Variants in IRGQ observed in about 807,000 individuals in gnomAD.
The protein encoded by IRGQ is immunity-related GTPase family Q protein.
In IRGQ, 5 loss-of-function variants were observed where a neutral mutation model predicts 10.5. The ratio of observed to expected loss-of-function variants is 0.48; its 90% CI spans 0.25 to 1.00. IRGQ has a LOEUF of 1.00. IRGQ is among the 50% of genes least tolerant of loss of function. IRGQ has a pLI of 0.16. For synonymous variants in IRGQ, 418 were observed against 426.0 expected, an observed-to-expected ratio of 0.98 and a Z score of 0.23; for missense variants, 792 against 877.7, an observed-to-expected ratio of 0.90 and a Z score of 1.23.
In IRGQ at chr19:43,592,238, C is replaced by T. The variant is rs567896488; in HGVS notation, c.1660G>A (p.Ala554Thr). 1.0e-4 allele frequency: 164 copies of T among 1,580,348 alleles called. 2 individuals are homozygous for T. In the South Asian group the frequency reaches 1.7e-3, roughly 16 times the overall value. Residue 554 changes from alanine (A) to threonine (T), a missense_variant, in exon 3 of 3, where the codon GCC becomes ACC. Coordinates refer to ENST00000422989, the MANE Select transcript of IRGQ (RefSeq NM_001007561.3). The part of the protein sequence containing the change: ...RAHFPGPVTR[A>T]EVEARLGAWA... ...GCGCCCAGTCTTGCTTCCACCTCGG[C>T]GCGCGTCACCGGGCCTGGGAAATGA...
intron 1 of IRGQ, chr19:43,595,603 C>T: frequency 2.8e-6 from 1 of 354,836 alleles, no homozygotes; most frequent in Non-Finnish European, 5.1e-6. Context: ...GTGGCTCATG[C>T]CTGTAATCCC....
Position 43,592,389 on chromosome 19 carries a change from T to TGCCCA in IRGQ, c.1504_1508dup (p.Cys504GlyfsTer50), listed in dbSNP as rs1215095411. ...GACCCCGCAGAAGTGCCACGTCGCATGCCCAGCCCAGCCCTGGGAGTGGTG... is the reference window on the plus strand; with the variant it reads ...GACCCCGCAGAAGTGCCACGTCGCATGCCCAGCCCAGCCCAGCCCTGGGAGTGGTG... On this transcript the variant is annotated frameshift_variant, in exon 3 of 3. Transcript: ENST00000422989. LOFTEE classifies it high-confidence loss of function. 5 of 1,577,202 alleles carry TGCCCA rather than the reference T, an allele frequency of 3.2e-6. No homozygotes were observed. Among genetic ancestry groups the TGCCCA allele is most frequent in the East Asian group, 2.3e-5 (1 of 42,984 alleles).
intron 1 of IRGQ, chr19:43,595,602 G>A: frequency 2.8e-6 from 1 of 358,430 alleles, no homozygotes; most frequent in Non-Finnish European, 5.0e-6. Flanking sequence ...GGTGGCTCAT[G>A]CCTGTAATCC....
In IRGQ at chr19:43,596,047, C is replaced by T. The variant is rs1568529605; in HGVS notation, c.-68G>A. 6.6e-6 allele frequency: 1 copy of T among 152,220 alleles called. No homozygotes were observed. Among genetic ancestry groups the T allele is most frequent in the Non-Finnish European group, 1.5e-5 (1 of 68,054 alleles). The allele number at this position is 152,220 out of a possible 1,614,324, so 9.4% of individuals were successfully genotyped here. On this transcript the variant is annotated 5_prime_UTR_variant, in exon 1 of 3. Coordinates refer to ENST00000422989, the MANE Select transcript of IRGQ (RefSeq NM_001007561.3). ...GCAGTAGGTCAGCAGCTGAGAAGCC[C>T]GGCCCCTGGGCCGCGGCGGACGGAG...
intron 1 of IRGQ, chr19:43,595,589 C>G (rs186037515): frequency 1.4e-4 from 53 of 369,002 alleles, no homozygotes; most frequent in African/African-American, 1.1e-3. Flanking sequence ...TGAAATCAGG[C>G]GCGGTGGCTC....
Position 43,592,006 on chromosome 19 carries a change from C to T in IRGQ, c.*20G>A. The T allele has an allele frequency of 6.4e-7, 1 of 1,562,118 alleles. No individual in the cohort carries two copies. Among genetic ancestry groups the T allele is most frequent in the Non-Finnish European group, 8.7e-7 (1 of 1,150,956 alleles). On this transcript the variant is annotated 3_prime_UTR_variant, in exon 3 of 3. Transcript: ENST00000422989. ...GGCATCCCCTGTCAGAGTCTGGACT[C>T]CCAAGCCCCCTCCCACTCCTCACTG...
chr19:43,592,368 C>T lies in IRGQ; in HGVS notation c.1530G>A (p.Arg510=), dbSNP rs886595718. The change falls in exon 3 of 3, where the codon CGG becomes CGA. Residue 510 remains arginine (R), a synonymous_variant. Coordinates refer to ENST00000422989, the MANE Select transcript of IRGQ (RefSeq NM_001007561.3). ...LGWACDVALL[R]GQLAEWRRGL... ...CCCGTCGCCACTCCGCCAGCTGACC[C>T]CGCAGAAGTGCCACGTCGCATGCCC... 2 of 1,577,634 alleles carry T rather than the reference C, an allele frequency of 1.3e-6. No individual in the cohort carries two copies. The highest frequency in any genetic ancestry group is 1.7e-6 in the Non-Finnish European group (2 of 1,169,992).
chr19:43,595,197 TG>T lies in IRGQ; in HGVS notation c.141del (p.Ser48AlafsTer2), dbSNP rs747383724. ...APEGRPDSGVPSLRAAGPGLF... is the reference protein window; with the variant it reads ...APEGRPDSGVXSLRAAGPGLF... ...AGGCCTGGGCCCGCAGCTCTTAGGC[TG>T]GGAACCCCGGAGTCCGGCCGTCCCT... On this transcript the variant is annotated frameshift_variant, in exon 2 of 3. Coordinates refer to ENST00000422989, the MANE Select transcript of IRGQ (RefSeq NM_001007561.3). LOFTEE classifies it high-confidence loss of function. 1 of 1,612,220 alleles carries T rather than the reference TG, an allele frequency of 6.2e-7. No individual in the cohort carries two copies. The highest frequency in any genetic ancestry group is 8.5e-7 in the Non-Finnish European group (1 of 1,179,606).
Position 43,588,847 on chromosome 19 carries a change from TG to T in IRGQ, c.*3178del, listed in dbSNP as rs1364685457. Reference sequence around the variant, plus strand: ...TTGCAGGGCTTAGACACTAATATGATGGGGTAAAGATATGGATGAATATTCT... The same window carrying T: ...TTGCAGGGCTTAGACACTAATATGATGGGTAAAGATATGGATGAATATTCT... On this transcript the variant is annotated 3_prime_UTR_variant, in exon 3 of 3. Transcript: ENST00000422989. 1.3e-5 allele frequency: 2 copies of T among 152,258 alleles called. No homozygotes were observed. Among genetic ancestry groups the T allele is most frequent in the Admixed American group, 1.3e-4 (2 of 15,284 alleles). 9.4% of individuals were successfully genotyped at this position (152,258 alleles called of 1,614,324 possible). A position where few individuals can be genotyped will look rare whatever the true frequency, so the allele number is the denominator to read the frequency against.
At position 43,594,810 on chromosome 19, in the gene IRGQ, T is replaced by A. The variant is rs1256643006; in HGVS notation, c.529A>T (p.Arg177Trp). 4 of 1,599,748 alleles carry A rather than the reference T, an allele frequency of 2.5e-6. No homozygotes were observed. Among genetic ancestry groups the A allele is most frequent in the Non-Finnish European group, 3.4e-6 (4 of 1,172,356 alleles). The stretch of plus-strand genomic sequence containing the variant: ...CCCAGCCAGAAAGCCGGCACTCACC[T>A]CCGCAGCGCTTCTGCCTGGCTCTGC... ...ALQSQAEALR[R>W]LLPPAQDGFE... is the part of the protein sequence containing the mutation. The change falls in exon 2 of 3, where the codon AGG (arginine) becomes TGG (tryptophan). Residue 177 changes from arginine (R) to tryptophan (W), a missense_variant and splice_region_variant. Transcript: ENST00000422989.
Position 43,595,158 on chromosome 19 carries a change from G to T in IRGQ, c.181C>A (p.Leu61Met). 1 of 1,606,974 alleles carries T rather than the reference G, an allele frequency of 6.2e-7. No individual in the cohort carries two copies. The change falls in exon 2 of 3, where the codon CTG (leucine) becomes ATG (methionine). Residue 61 changes from leucine (L) to methionine (M), a missense_variant. Coordinates refer to ENST00000422989, the MANE Select transcript of IRGQ (RefSeq NM_001007561.3). ...AAGPGLFLGELSCPPAAPGPW... is the reference protein window; with the variant it reads ...AAGPGLFLGEMSCPPAAPGPW... ...CCCGGCGCTGCGGGTGGGCAGCTCA[G>T]CTCGCCCAGAAAAAGGCCTGGGCCC...
chr19:43,595,497 C>T, intron 1 of IRGQ, 157 bp from the exon 2 acceptor site: 1 of 514,766 alleles, frequency 1.9e-6, no homozygotes, highest in South Asian at 5.3e-5. Context: ...GAGCCCAGAC[C>T]CTATTCCCCC....
Position 43,592,059 on chromosome 19 carries a change from C to T in IRGQ, c.1839G>A (p.Glu613=). Residue 613 remains glutamate, a synonymous_variant, in exon 3 of 3, where the codon GAG becomes GAA. Coordinates refer to ENST00000422989, the MANE Select transcript of IRGQ (RefSeq NM_001007561.3). The part of the protein sequence containing the change: ...QALDEMRADA[E]AVLAPPEPAQ Reference sequence around the variant, plus strand: ...CAGGCTCAGGGGGTGCCAGCACAGCCTCAGCATCAGCCCGCATCTCATCGA... The same window carrying T: ...CAGGCTCAGGGGGTGCCAGCACAGCTTCAGCATCAGCCCGCATCTCATCGA... 6.2e-7 allele frequency: 1 copy of T among 1,610,498 alleles called. No homozygotes were observed. The highest frequency in any genetic ancestry group is 8.5e-7 in the Non-Finnish European group (1 of 1,178,302).
chr19:43,594,379 G>T (rs965949799), intron 2 of IRGQ, among the ~76,000 whole-genome samples: 3 of 152,210 alleles, frequency 2.0e-5, no homozygotes, highest in Non-Finnish European at 1.5e-5. Context: ...AAGAGTTCAA[G>T]ACCAGCCTGG....
chr19:43,595,341 C>A lies in IRGQ; in HGVS notation c.-2-1G>T. The A allele has an allele frequency of 6.5e-7, 1 of 1,540,864 alleles. No individual in the cohort carries two copies. The highest frequency in any genetic ancestry group is 2.0e-5 in the Admixed American group (1 of 50,362). On this transcript the variant is annotated splice_acceptor_variant, in intron 1 of 2. Coordinates refer to ENST00000422989, the MANE Select transcript of IRGQ (RefSeq NM_001007561.3). LOFTEE classifies it low-confidence loss of function (5UTR_SPLICE). ...ACGTCACCCTGCGGCGGAGGCATGG[C>A]TGGAAAGCAACGGGTAGAGAAGACC...
chr19:43,592,519 AG>A lies in IRGQ; in HGVS notation c.1378del (p.Leu460TrpfsTer92). On this transcript the variant is annotated frameshift_variant, in exon 3 of 3. Coordinates refer to ENST00000422989, the MANE Select transcript of IRGQ (RefSeq NM_001007561.3). LOFTEE classifies it high-confidence loss of function. ...GCTGGGAGATGCTGGTGGCAACGCC[AG>A]CAGCAGTGCCCCTGCCTGGGCTGGG... ...LPPAQAGALL[L>X]ALPPASPSAA... 1 of 1,596,218 alleles carries A rather than the reference AG, an allele frequency of 6.3e-7. No homozygotes were observed. The highest frequency in any genetic ancestry group is 8.5e-7 in the Non-Finnish European group (1 of 1,178,592).
Position 43,590,703 on chromosome 19 carries a change from T to A in IRGQ, c.*1323A>T, listed in dbSNP as rs1370772758. 1 of 152,244 alleles carries A rather than the reference T, an allele frequency of 6.6e-6. No individual in the cohort carries two copies. The highest frequency in any genetic ancestry group is 1.5e-5 in the Non-Finnish European group (1 of 68,086). 9.4% of individuals were successfully genotyped at this position (152,244 alleles called of 1,614,324 possible). A position where few individuals can be genotyped will look rare whatever the true frequency, so the allele number is the denominator to read the frequency against. On this transcript the variant is annotated 3_prime_UTR_variant, in exon 3 of 3. Transcript: ENST00000422989. ...AAAACACCAAGGCCATAAAGGGTTA[T>A]GGTTAAATACCAGGAGAAAAAGGCC...
Position 43,585,042 on chromosome 19 carries a change from G to C in IRGQ, c.*6984C>G, listed in dbSNP as rs1972977962. The C allele has an allele frequency of 6.6e-6, 1 of 152,430 alleles. No individual in the cohort carries two copies. Among genetic ancestry groups the C allele is most frequent in the African/African-American group, 2.4e-5 (1 of 41,338 alleles). The allele number at this position is 152,430 out of a possible 1,614,324, so 9.4% of individuals were successfully genotyped here. A position where few individuals can be genotyped will look rare whatever the true frequency, so the allele number is the denominator to read the frequency against. ...TCTGTTGTTGTTGCTTTTTTGTAGA[G>C]ATGGGGGTCTTGCCATGTTGCTCAG... On this transcript the variant is annotated 3_prime_UTR_variant, in exon 3 of 3. Transcript: ENST00000422989.
rs760142510 is a variant in IRGQ, at chr19:43,592,973, T to A, written c.925A>T (p.Thr309Ser). 2 of 1,608,984 alleles carry A rather than the reference T, an allele frequency of 1.2e-6. No individual in the cohort carries two copies. The highest frequency in any genetic ancestry group is 1.3e-5 in the African/African-American group (1 of 74,886). ...ALILVTPGAP[T>S]EKDWAQVQAL... ...TGGACCTGGGCCCAGTCCTTCTCAGTGGGGGCCCCAGGGGTGACGAGGATG... is the reference window on the plus strand; with the variant it reads ...TGGACCTGGGCCCAGTCCTTCTCAGAGGGGGCCCCAGGGGTGACGAGGATG... Residue 309 changes from threonine to serine, a missense_variant, in exon 3 of 3, where the codon ACT becomes TCT. Physicochemically the swap from Thr to Ser is moderately conservative, Grantham distance 58. Transcript: ENST00000422989.
Sources: gnomAD v4.1 joint callset for allele counts (sites outside exome capture counted in the v4.1 genomes callset) on GRCh38, gnomAD v4.1.1 for gene constraint, MANE v1.5 for transcripts, NCBI Gene and HGNC (gene_info 2026-07-23, HGNC 2026-07-21) for gene names.